Variants in WDR74 observed in about 807,000 individuals in gnomAD.
WDR74 encodes WD repeat-containing protein 74.
WDR74 carries 31 observed loss-of-function variants against 45.6 expected under a neutral mutation model. That is an observed-to-expected ratio of 0.68 (90% CI 0.51 to 0.92). WDR74 has a LOEUF of 0.92. Among genes scored for constraint, WDR74 ranks in the 40% least tolerant of loss-of-function variants. WDR74 has a pLI of 0.00. For missense variants in WDR74, 455 were observed against 497.2 expected (o/e 0.92, Z 0.81); for synonymous variants, 191 against 192.4 (o/e 0.99, Z 0.06).
chr11:62,834,064 CTAA>C (rs2084921509), intron 8 of WDR74, 127 bp from the exon 9 acceptor site: 1 of 1,454,722 alleles, frequency 6.9e-7, no homozygotes, highest in Non-Finnish European at 9.3e-7. Flanking sequence ...GGAGCTTCTA[CTAA>C]TATTTCCATT....
chr11:62,838,048 A>G (rs373217455), intron 3 of WDR74, among the ~76,000 whole-genome samples: 2 of 152,190 alleles, frequency 1.3e-5, no homozygotes, highest in South Asian at 4.1e-4. Context: ...GGCTGTAGTG[A>G]GCCATGAATG....
At chr11:62,839,469 C>A in intron 1 of WDR74, 38 bp downstream of exon 1, 1 of 1,613,580 alleles carries the variant, frequency 6.2e-7, no homozygotes, top group Non-Finnish European at 8.5e-7. Flanking sequence ...GGCGCGAGTG[C>A]ACCCCTGCAC....
At chr11:62,838,852 G>A (rs2085000279) in intron 3 of WDR74, among the ~76,000 whole-genome samples, 1 of 152,110 alleles carries the variant, frequency 6.6e-6, no homozygotes, top group Admixed American at 6.5e-5. Context: ...ATGGAGTCAG[G>A]TGAAAAACCT....
chr11:62,835,911 G>T (rs754997099), intron 4 of WDR74, 50 bp downstream of exon 4: 27 of 1,584,238 alleles, frequency 1.7e-5, no homozygotes, highest in Non-Finnish European at 2.2e-5. Context: ...TGATCATTAG[G>T]CACCTACCCC....
chr11:62,839,914 C>T (rs1590991326), upstream of WDR74: 1 of 273,116 alleles, frequency 3.7e-6, no homozygotes, highest in East Asian at 7.2e-5. Context: ...ATTTAAGAAA[C>T]ACTTTAGAAA....
chr11:62,834,316 T>C lies in WDR74; in HGVS notation c.735A>G (p.Gly245=), dbSNP rs763898673. The C allele has an allele frequency of 1.2e-6, 2 of 1,613,882 alleles. No individual in the cohort carries two copies. Among genetic ancestry groups the C allele is most frequent in the Admixed American group, 1.7e-5 (1 of 59,998 alleles). Residue 245 remains glycine (G), a synonymous_variant, in exon 8 of 11, where the codon GGA becomes GGG. Transcript: ENST00000278856. ...LTPGGNSVIV[G]NTHGQLAEID... is the part of the protein sequence containing the mutation. ...TTTCTGCCAGCTGCCCATGAGTGTT[T>C]CCCACAATCACTGAGCTGAGGATGA...
At chr11:62,837,253 G>A (rs1322520808) in intron 3 of WDR74, among the ~76,000 whole-genome samples, 1 of 152,032 alleles carries the variant, frequency 6.6e-6, no homozygotes, top group African/African-American at 2.4e-5. Flanking sequence ...AGCATTTTGG[G>A]AGGCTGAGGT....
At chr11:62,837,061 G>A (rs1307797903) in intron 3 of WDR74, among the ~76,000 whole-genome samples, 1 of 152,120 alleles carries the variant, frequency 6.6e-6, no homozygotes, top group African/African-American at 2.4e-5. Context: ...CAGTGACAGA[G>A]CAAGACTCCG....
intron 6 of WDR74, chr11:62,835,041 T>C (rs1319601410): frequency 1.3e-5 from 3 of 230,152 alleles, no homozygotes; most frequent in Non-Finnish European, 2.6e-5. Flanking sequence ...GCCCTTCCTG[T>C]AAAGCTGAGG....
At chr11:62,835,640 T>A (rs1254891489) in intron 5 of WDR74, 55 bp downstream of exon 5, 2 of 1,613,834 alleles carry the variant, frequency 1.2e-6, no homozygotes, top group South Asian at 2.2e-5. Flanking sequence ...GCATCGTCAG[T>A]GGCCTCAGCC....
At chr11:62,841,111 G>T (rs958698638), upstream of WDR74, among the ~76,000 whole-genome samples, 1 of 152,208 alleles carries the variant, frequency 6.6e-6, no homozygotes, top group Non-Finnish European at 1.5e-5. Flanking sequence ...AAGGTCAAGA[G>T]ATGGAGACCA....
At chr11:62,835,615 C>T (rs1565221735) in intron 5 of WDR74, 80 bp downstream of exon 5, 1 of 1,613,552 alleles carries the variant, frequency 6.2e-7, no homozygotes. Context: ...CCCCTAAGTC[C>T]ATCTAGTCTC....
chr11:62,835,009 A>C (rs3794046), intron 6 of WDR74: 2 of 220,692 alleles, frequency 9.1e-6, no homozygotes, highest in Non-Finnish European at 1.8e-5. Context: ...AATGAGACAA[A>C]CCATAAAGAT....
upstream of WDR74, chr11:62,839,829 G>C: frequency 5.6e-6 from 3 of 539,606 alleles, no homozygotes; most frequent in East Asian, 9.4e-5. Context: ...GCCAGCCCTA[G>C]TCTGTCTCCC....
intron 6 of WDR74, 159 bp downstream of exon 6, chr11:62,835,272 G>A (rs1261755636): frequency 3.1e-6 from 2 of 637,730 alleles, no homozygotes; most frequent in Middle Eastern, 4.1e-4. Context: ...TACAGTAGAG[G>A]AAGGTCATGG....
At chr11:62,833,462 G>T in intron 10 of WDR74, 156 bp downstream of exon 10, 1 of 941,560 alleles carries the variant, frequency 1.1e-6, no homozygotes, top group Non-Finnish European at 1.6e-6. Flanking sequence ...AACCCTCTCA[G>T]GATTTTAACT....
At chr11:62,841,673 A>C (rs1033596407), upstream of WDR74, 5 of 152,138 alleles carry the variant, frequency 3.3e-5, no homozygotes, top group Non-Finnish European at 7.4e-5. Context: ...CGTGGAGTGG[A>C]CGGAGCAAGC....
At chr11:62,836,181 A>G (rs778054445) in intron 3 of WDR74, 145 bp from the exon 4 acceptor site, 379 of 807,444 alleles carry the variant, frequency 4.7e-4, no homozygotes, top group Non-Finnish European at 7.0e-4. Flanking sequence ...ACTCATATCA[A>G]CCAGATTCCC....
rs750921371 is a variant in WDR74, at chr11:62,833,952, A to T, written c.776-15T>A. ...CAGTAGACGCCCTAGAGAAGGGGGG[A>T]AGCATCCGTGATAACTGGCTGGCCA... On this transcript the variant is annotated splice_polypyrimidine_tract_variant and intron_variant, in intron 8 of 10. Transcript: ENST00000278856. 2.5e-6 allele frequency: 4 copies of T among 1,610,912 alleles called. No individual in the cohort carries two copies. Among genetic ancestry groups the T allele is most frequent in the East Asian group, 2.2e-5 (1 of 44,826 alleles).
Sources: allele counts gnomAD v4.1 joint callset (sites outside exome capture counted in the v4.1 genomes callset), GRCh38; gene constraint gnomAD v4.1.1; transcripts MANE v1.5; gene names NCBI Gene and HGNC (gene_info 2026-07-23, HGNC 2026-07-21).